Variants in ADGRL2 observed in about 807,000 individuals in gnomAD.
The protein encoded by ADGRL2 is calcium-independent alpha-latrotoxin receptor 2.
In ADGRL2, 44 loss-of-function variants were observed where a neutral mutation model predicts 157.4. That is an observed-to-expected ratio of 0.28 (90% CI 0.22 to 0.36). ADGRL2 has a LOEUF of 0.36. Ranked by LOEUF, ADGRL2 falls within the 10% of genes least tolerant of loss-of-function variation. The pLI is 1.00. For synonymous variants in ADGRL2, 585 were observed against 624.7 expected, an observed-to-expected ratio of 0.94 and a Z score of 0.95; for missense variants, 1,510 against 1,768.9, an observed-to-expected ratio of 0.85 and a Z score of 2.63.
intron 3 of ADGRL2, among the ~76,000 whole-genome samples, chr1:81,690,415 G>A (rs1351091866): frequency 6.6e-6 from 1 of 152,144 alleles, no homozygotes; most frequent in Non-Finnish European, 1.5e-5. Flanking sequence ...AGGATCACTT[G>A]AACCCCGGAG....
At chr1:81,510,630 T>C (rs943037397) in intron 2 of ADGRL2, among the ~76,000 whole-genome samples, 15 of 152,348 alleles carry the variant, frequency 9.8e-5, no homozygotes, top group African/African-American at 2.4e-4. Flanking sequence ...GAAAGGCTAT[T>C]ATTAGACATA....
chr1:81,489,926 C>A (rs911724632), intron 2 of ADGRL2, among the ~76,000 whole-genome samples: 7 of 152,104 alleles, frequency 4.6e-5, no homozygotes, highest in African/African-American at 1.7e-4. Context: ...TAAGAAAGTT[C>A]ATTATCCCTG....
At chr1:81,574,138 A>G (rs2080750391) in intron 2 of ADGRL2, among the ~76,000 whole-genome samples, 1 of 151,880 alleles carries the variant, frequency 6.6e-6, no homozygotes, top group African/African-American at 2.4e-5. Context: ...AGTTGCAAGT[A>G]CTTGCAAAAT....
At chr1:81,543,827 G>A (rs1557445145) in intron 2 of ADGRL2, among the ~76,000 whole-genome samples, 1 of 152,092 alleles carries the variant, frequency 6.6e-6, no homozygotes, top group Admixed American at 6.6e-5. Flanking sequence ...CCCTCTTCTC[G>A]AGTTTTTCTA....
chr1:81,896,494 ATC>A (rs1410576476), intron 2 of ADGRL2, among the ~76,000 whole-genome samples: 1 of 152,076 alleles, frequency 6.6e-6, no homozygotes, highest in Admixed American at 6.5e-5. Flanking sequence ...TGTATTCTTT[ATC>A]TCTTGATATC....
chr1:81,860,076 T>G (rs191788635), intron 2 of ADGRL2, among the ~76,000 whole-genome samples: 1 of 152,060 alleles, frequency 6.6e-6, no homozygotes, highest in East Asian at 2.0e-4. Flanking sequence ...TACAAAAAAT[T>G]AGCTGGGCGT....
chr1:81,386,221 A>G (rs900528682), intron 1 of ADGRL2, among the ~76,000 whole-genome samples: 1 of 152,174 alleles, frequency 6.6e-6, no homozygotes, highest in South Asian at 2.1e-4. Flanking sequence ...ATGAAATAAA[A>G]CAGACACAGT....
intron 2 of ADGRL2, among the ~76,000 whole-genome samples, chr1:81,505,465 C>T (rs1322440046): frequency 6.6e-6 from 1 of 150,728 alleles, no homozygotes; most frequent in Non-Finnish European, 1.5e-5. Context: ...GGATCCTCTC[C>T]CTTTCCCCAG....
chr1:81,885,416 A>G (rs1433788847), intron 2 of ADGRL2, among the ~76,000 whole-genome samples: 2 of 152,216 alleles, frequency 1.3e-5, no homozygotes, highest in Non-Finnish European at 2.9e-5. Context: ...AAAACTTCCC[A>G]TAAACACAGC....
intron 2 of ADGRL2, among the ~76,000 whole-genome samples, chr1:81,771,360 A>G (rs1425701363): frequency 2.6e-5 from 4 of 152,162 alleles, no homozygotes; most frequent in Non-Finnish European, 5.9e-5. Flanking sequence ...CATTTACTGA[A>G]TGGGGTGAAT....
At chr1:81,920,832 T>C (rs547289425) in intron 3 of ADGRL2, among the ~76,000 whole-genome samples, 4 of 150,274 alleles carry the variant, frequency 2.7e-5, no homozygotes, top group Non-Finnish European at 5.9e-5. Flanking sequence ...AGGAATCTAG[T>C]AATTAAGTAT....
intron 3 of ADGRL2, among the ~76,000 whole-genome samples, chr1:81,652,673 T>C (rs1238810259): frequency 6.6e-6 from 1 of 152,164 alleles, no homozygotes; most frequent in Non-Finnish European, 1.5e-5. Context: ...AACTTTTTAT[T>C]GTTAATGTAG....
intron 3 of ADGRL2, among the ~76,000 whole-genome samples, chr1:81,678,290 T>C (rs1301757683): frequency 2.0e-5 from 3 of 152,186 alleles, no homozygotes; most frequent in African/African-American, 4.8e-5. Flanking sequence ...AAAAAATCGA[T>C]GGTGTTATAA....
At chr1:81,361,956 T>C (rs1477903901) in intron 1 of ADGRL2, among the ~76,000 whole-genome samples, 5 of 151,880 alleles carry the variant, frequency 3.3e-5, no homozygotes, top group African/African-American at 4.8e-5. Context: ...TAGAAACAAA[T>C]TCCTGGTTAG....
At chr1:81,800,822 A>T (rs191730934), upstream of ADGRL2, among the ~76,000 whole-genome samples, 3,733 of 119,088 alleles carry the variant, frequency 0.031, 71 homozygotes, top group Non-Finnish European at 0.044. Flanking sequence ...TAATGGGGGG[A>T]GCTGGAGGCA....
chr1:81,714,585 A>G (rs2084045408), intron 1 of ADGRL2, among the ~76,000 whole-genome samples: 1 of 152,196 alleles, frequency 6.6e-6, no homozygotes, highest in Non-Finnish European at 1.5e-5. Context: ...ACACAATATA[A>G]TAGAAGTCAG....
intron 2 of ADGRL2, among the ~76,000 whole-genome samples, chr1:81,787,457 C>T (rs1162051265): frequency 6.6e-6 from 1 of 151,902 alleles, no homozygotes; most frequent in African/African-American, 2.4e-5. Context: ...GAGTTTCAGA[C>T]CAGCCTGGAC....
chr1:81,734,891 G>A (rs1268730628), intron 1 of ADGRL2, among the ~76,000 whole-genome samples: 3 of 144,828 alleles, frequency 2.1e-5, no homozygotes, highest in South Asian at 2.3e-4. Context: ...AAATTAGCCA[G>A]GCATGGTGGT....
chr1:81,605,335 C>G (rs1278064503), intron 3 of ADGRL2, among the ~76,000 whole-genome samples: 1 of 152,088 alleles, frequency 6.6e-6, no homozygotes, highest in Non-Finnish European at 1.5e-5. Flanking sequence ...CAATGACAAA[C>G]TGTATTATTC....
Sources: gnomAD v4.1 joint callset for allele counts (sites outside exome capture counted in the v4.1 genomes callset) on GRCh38, gnomAD v4.1.1 for gene constraint, MANE v1.5 for transcripts, NCBI Gene and HGNC (gene_info 2026-07-23, HGNC 2026-07-21) for gene names.